Variants in LINGO2 observed in about 807,000 individuals in gnomAD.
The protein encoded by LINGO2 is leucine rich repeat and Ig domain containing 2.
In LINGO2, 14 loss-of-function variants were observed where a neutral mutation model predicts 30.6. The observed-to-expected ratio is 0.46, with a 90% CI of 0.30 to 0.72. The LOEUF is 0.72. LINGO2 is among the 30% of genes least tolerant of loss of function. LINGO2 has a pLI of 0.07. For synonymous variants in LINGO2, 317 were observed against 288.5 expected, an observed-to-expected ratio of 1.10 and a Z score of -1.00; for missense variants, 729 against 751.7, an observed-to-expected ratio of 0.97 and a Z score of 0.35.
chr9:28,310,895 C>G (rs1256650768), intron 3 of LINGO2, among the ~76,000 whole-genome samples: 1 of 152,166 alleles, frequency 6.6e-6, no homozygotes, highest in Admixed American at 6.5e-5. Context: ...AAACTCACAT[C>G]ATTCTTTTAA....
rs767585249 is a variant in LINGO2 at position 28,048,756 on chromosome 9, T to C, written c.-86-36351A>G. On this transcript the variant is annotated intron_variant, in intron 4 of 5. Transcript: ENST00000379992. ...ATTTAATAAATTCAACCTAGAAAAA[T>C]ATGTAATCATTAAAATGATAATTAT... is the stretch of plus-strand genomic sequence containing the variant. Among the ~76,000 whole-genome samples, 19 of 150,702 alleles carry C rather than the reference T, an allele frequency of 1.3e-4. 1 individual carries two copies. The highest frequency in any genetic ancestry group is 2.4e-4 in the Non-Finnish European group (16 of 67,852).
chr9:27,971,376 T>A (rs1820346572), intron 5 of LINGO2, among the ~76,000 whole-genome samples: 1 of 152,122 alleles, frequency 6.6e-6, no homozygotes, highest in Admixed American at 6.6e-5. Context: ...AAAAATGATT[T>A]GAAATTTAAA....
chr9:28,046,643 A>G (rs777952946), intron 4 of LINGO2, among the ~76,000 whole-genome samples: 2 of 152,228 alleles, frequency 1.3e-5, no homozygotes, highest in Admixed American at 6.5e-5. Context: ...TCTGTTCATT[A>G]TATTTTCCCT....
At chr9:28,174,752 G>A (rs1828696053) in intron 4 of LINGO2, among the ~76,000 whole-genome samples, 1 of 152,046 alleles carries the variant, frequency 6.6e-6, no homozygotes, top group Non-Finnish European at 1.5e-5. Flanking sequence ...CTGTAGAGTG[G>A]GAACCATATA....
the LINGO2 span, among the ~76,000 whole-genome samples, chr9:29,206,558 T>G: frequency 6.6e-6 from 1 of 152,160 alleles, no homozygotes; most frequent in African/African-American, 2.4e-5. Context: ...CAGCCCAGTT[T>G]CCTCCCCCTG....
intron 1 of LINGO2, among the ~76,000 whole-genome samples, chr9:28,505,258 G>A (rs748550998): frequency 2.0e-5 from 3 of 151,774 alleles, no homozygotes; most frequent in Non-Finnish European, 2.9e-5. Flanking sequence ...ATGGAACAAA[G>A]GAGACTCTCA....
intron 3 of LINGO2, among the ~76,000 whole-genome samples, chr9:28,326,064 T>C (rs575160948): frequency 6.6e-6 from 1 of 152,332 alleles, no homozygotes; most frequent in Non-Finnish European, 1.5e-5. Context: ...TGGAGTGCAG[T>C]GGCGTGATCT....
chr9:28,048,090 C>T (rs1178274091), intron 4 of LINGO2, among the ~76,000 whole-genome samples: 1 of 150,774 alleles, frequency 6.6e-6, no homozygotes, highest in African/African-American at 2.5e-5. Flanking sequence ...CACAAAGCCA[C>T]CTCAGTGAGA....
intron 4 of LINGO2, among the ~76,000 whole-genome samples, chr9:28,155,995 T>C (rs1212087646): frequency 6.6e-6 from 1 of 152,208 alleles, no homozygotes; most frequent in African/African-American, 2.4e-5. Context: ...ACACTCAGCC[T>C]ATGGTATTTT....
intron 5 of LINGO2, among the ~76,000 whole-genome samples, chr9:27,988,788 T>C (rs1821250525): frequency 6.6e-6 from 1 of 151,956 alleles, no homozygotes; most frequent in Non-Finnish European, 1.5e-5. Context: ...TCTCTGTAAC[T>C]GGCACCACTG....
At chr9:28,399,212 T>C (rs1202737370) in intron 2 of LINGO2, among the ~76,000 whole-genome samples, 4 of 152,260 alleles carry the variant, frequency 2.6e-5, no homozygotes, top group Admixed American at 6.5e-5. Context: ...AATGGACACA[T>C]AGACTAGCAA....
At chr9:28,986,885 A>G in the LINGO2 span, among the ~76,000 whole-genome samples, 41 of 152,124 alleles carry the variant, frequency 2.7e-4, no homozygotes, top group African/African-American at 9.4e-4. Context: ...TTTAAAAATC[A>G]TAAGTCAAGC....
At chr9:28,572,279 C>T (rs1478494145) in intron 1 of LINGO2, among the ~76,000 whole-genome samples, 1 of 152,026 alleles carries the variant, frequency 6.6e-6, no homozygotes, top group Non-Finnish European at 1.5e-5. Context: ...TCTCTCTGGA[C>T]AGTACTTATT....
intron 5 of LINGO2, among the ~76,000 whole-genome samples, chr9:27,977,065 A>G (rs1820633167): frequency 6.6e-6 from 1 of 152,042 alleles, no homozygotes; most frequent in Admixed American, 6.6e-5. Context: ...AGTGGAAGCA[A>G]ACAACTGAAC....
chr9:28,003,386 T>TATAGAGAGAG, intron 5 of LINGO2, among the ~76,000 whole-genome samples: 1 of 134,878 alleles, frequency 7.4e-6, no homozygotes, highest in Non-Finnish European at 1.6e-5. Context: ...TAGATAGATA[T>TATAGAGAGAG]AGAGAGAGAG....
At chr9:28,663,561 C>T (rs1305114414) in intron 1 of LINGO2, among the ~76,000 whole-genome samples, 1 of 152,108 alleles carries the variant, frequency 6.6e-6, no homozygotes, top group Non-Finnish European at 1.5e-5. Context: ...TCAACTCTTA[C>T]CATGAGCAAA....
At chr9:28,478,832 C>T (rs1192805009) in intron 1 of LINGO2, among the ~76,000 whole-genome samples, 1 of 151,966 alleles carries the variant, frequency 6.6e-6, no homozygotes, top group Admixed American at 6.6e-5. Flanking sequence ...TCACCTAATG[C>T]AGACACCTTT....
At chr9:28,682,914 T>A in the LINGO2 span, among the ~76,000 whole-genome samples, 38 of 152,164 alleles carry the variant, frequency 2.5e-4, no homozygotes, top group African/African-American at 8.7e-4. Context: ...GAAAAGAAAT[T>A]CAAATTTTAA....
chr9:28,850,639 C>T, the LINGO2 span, among the ~76,000 whole-genome samples: 29 of 152,158 alleles, frequency 1.9e-4, no homozygotes, highest in African/African-American at 7.0e-4. Flanking sequence ...GGAGGGAATG[C>T]ATATTAACCA....
Sources: allele counts gnomAD v4.1 joint callset (sites outside exome capture counted in the v4.1 genomes callset), GRCh38; gene constraint gnomAD v4.1.1; transcripts MANE v1.5; gene names NCBI Gene and HGNC (gene_info 2026-07-23, HGNC 2026-07-21).